The following RAB3C variants were observed in gnomAD, a reference collection of about 807,000 sequenced individuals.
RAB3C encodes the protein RAB3C, member RAS oncogene family.
RAB3C carries 17 observed loss-of-function variants against 26.4 expected under a neutral mutation model. The observed-to-expected ratio is 0.64, with a 90% confidence interval of 0.44 to 0.97. The LOEUF (loss-of-function observed/expected upper bound fraction) is 0.97. Among genes scored for constraint, RAB3C ranks in the 50% least tolerant of loss-of-function variants. The pLI is 0.00. For missense variants in RAB3C, 242 were observed against 281.9 expected (o/e 0.86, Z 1.01); for synonymous variants, 91 against 95.9 (o/e 0.95, Z 0.30).
chr5:58,771,001 G>T (rs1232894103), intron 3 of RAB3C, among the ~76,000 whole-genome samples: 1 of 152,084 alleles, frequency 6.6e-6, no homozygotes, highest in African/African-American at 2.4e-5. Context: ...TTTCAGAAAA[G>T]ACTAAGAATG....
chr5:58,696,515 C>G (rs1748703865), intron 2 of RAB3C, among the ~76,000 whole-genome samples: 1 of 152,156 alleles, frequency 6.6e-6, no homozygotes, highest in Non-Finnish European at 1.5e-5. Flanking sequence ...CTTCTTTGTA[C>G]CTCTGGTAGA....
At chr5:58,620,086 A>T (rs1248519159) in intron 2 of RAB3C, among the ~76,000 whole-genome samples, 1 of 152,116 alleles carries the variant, frequency 6.6e-6, no homozygotes, top group East Asian at 1.9e-4. Context: ...CTTATTAAAA[A>T]AAAAACCCTT....
intron 3 of RAB3C, among the ~76,000 whole-genome samples, chr5:58,813,957 G>A (rs1209053163): frequency 3.9e-5 from 6 of 152,112 alleles, no homozygotes; most frequent in Non-Finnish European, 8.8e-5. Context: ...CTATAAAATA[G>A]CTCAAAGATG....
At chr5:58,679,556 G>A (rs1278721346) in intron 2 of RAB3C, among the ~76,000 whole-genome samples, 1 of 152,084 alleles carries the variant, frequency 6.6e-6, no homozygotes, top group African/African-American at 2.4e-5. Context: ...TTTCCACATG[G>A]AATGATACAT....
At chr5:58,605,347 C>A (rs1746537147) in intron 1 of RAB3C, among the ~76,000 whole-genome samples, 1 of 152,192 alleles carries the variant, frequency 6.6e-6, no homozygotes, top group Non-Finnish European at 1.5e-5. Flanking sequence ...TCTCTCCTCT[C>A]AGATTCCCTT....
chr5:58,725,671 T>C (rs1740873898), intron 2 of RAB3C, among the ~76,000 whole-genome samples: 1 of 151,894 alleles, frequency 6.6e-6, no homozygotes, highest in South Asian at 2.1e-4. Flanking sequence ...TTGTATATTT[T>C]AAAGTAGCTA....
At chr5:58,667,667 T>C (rs1434542246) in intron 2 of RAB3C, among the ~76,000 whole-genome samples, 1 of 152,188 alleles carries the variant, frequency 6.6e-6, no homozygotes, top group Non-Finnish European at 1.5e-5. Context: ...CTAAAAGTTG[T>C]ATATATATTA....
At chr5:58,751,434 G>A (rs1428724669) in intron 3 of RAB3C, among the ~76,000 whole-genome samples, 4 of 152,134 alleles carry the variant, frequency 2.6e-5, no homozygotes, top group South Asian at 2.1e-4. Flanking sequence ...GAGCAATCAT[G>A]GGTCTAAGTC....
chr5:58,717,683 A>C (rs2111907351), intron 2 of RAB3C, among the ~76,000 whole-genome samples: 1 of 152,216 alleles, frequency 6.6e-6, no homozygotes, highest in East Asian at 1.9e-4. Flanking sequence ...GCTTAATGGC[A>C]AAACGTCTCA....
chr5:58,803,623 C>G (rs533904212), intron 3 of RAB3C, among the ~76,000 whole-genome samples: 3 of 152,164 alleles, frequency 2.0e-5, no homozygotes, highest in Non-Finnish European at 2.9e-5. Context: ...ATCTGCTGCA[C>G]AGCTTGAGGT....
intron 2 of RAB3C, among the ~76,000 whole-genome samples, chr5:58,663,517 A>G (rs1198161299): frequency 1.3e-5 from 2 of 150,392 alleles, no homozygotes; most frequent in Non-Finnish European, 2.9e-5. Flanking sequence ...AAATATTAAA[A>G]TGTAACTAAA....
intron 2 of RAB3C, among the ~76,000 whole-genome samples, chr5:58,637,067 A>G (rs1016438631): frequency 6.7e-6 from 1 of 150,266 alleles, no homozygotes; most frequent in Non-Finnish European, 1.5e-5. Flanking sequence ...ATGTTGAGAG[A>G]GCATTATCAT....
intron 1 of RAB3C, among the ~76,000 whole-genome samples, chr5:58,610,495 A>G (rs1366361098): frequency 6.6e-6 from 1 of 152,092 alleles, no homozygotes; most frequent in African/African-American, 2.4e-5. Context: ...ATTTTCTAAT[A>G]TTAACAATGT....
At chr5:58,693,266 T>C (rs866645730) in intron 2 of RAB3C, among the ~76,000 whole-genome samples, 1 of 143,898 alleles carries the variant, frequency 6.9e-6, no homozygotes, top group African/African-American at 2.6e-5. Context: ...TATATAAATA[T>C]AATTAAGATA....
At chr5:58,784,406 A>G (rs1164096020) in intron 3 of RAB3C, among the ~76,000 whole-genome samples, 6 of 152,182 alleles carry the variant, frequency 3.9e-5, no homozygotes, top group Non-Finnish European at 7.4e-5. Flanking sequence ...CTTGTGAGAC[A>G]TATTCATTAT....
chr5:58,837,034 A>G (rs1304958135), intron 4 of RAB3C, among the ~76,000 whole-genome samples: 3 of 152,132 alleles, frequency 2.0e-5, no homozygotes, highest in African/African-American at 4.8e-5. Context: ...CTGCATCCTC[A>G]CCAACATTTG....
At chr5:58,846,295 C>T (rs1743999287) in intron 4 of RAB3C, among the ~76,000 whole-genome samples, 1 of 152,178 alleles carries the variant, frequency 6.6e-6, no homozygotes, top group Non-Finnish European at 1.5e-5. Flanking sequence ...CGTAAGAAAC[C>T]TCCCAAGGAG....
At position 58,657,289 on chromosome 5, in the gene RAB3C, G is replaced by A. The variant is rs528674519; in HGVS notation, c.252+39419G>A. ...TAAAAGACTACAAATAGGGTGCAGT[G>A]TATACTGCTCAGGTGATGGGTGCAC... On this transcript the variant is annotated intron_variant, in intron 2 of 4. Transcript: ENST00000282878. Among the ~76,000 whole-genome samples, 8 of 152,022 alleles carry A rather than the reference G, an allele frequency of 5.3e-5. No individual in the cohort carries two copies. The East Asian group carries it at 1.5e-3, about 29-fold the overall frequency.
chr5:58,631,560 G>A (rs931646232), intron 2 of RAB3C, among the ~76,000 whole-genome samples: 1 of 152,136 alleles, frequency 6.6e-6, no homozygotes, highest in African/African-American at 2.4e-5. Flanking sequence ...ATCTTCCCTG[G>A]ACTCTTCAGA....
Sources: gnomAD v4.1 joint callset for allele counts (sites outside exome capture counted in the v4.1 genomes callset) on GRCh38, gnomAD v4.1.1 for gene constraint, MANE v1.5 for transcripts, NCBI Gene and HGNC (gene_info 2026-07-23, HGNC 2026-07-21) for gene names.